PEBP4: variants seen among roughly 807,000 people sequenced by gnomAD.
The protein encoded by PEBP4 is phosphatidylethanolamine-binding protein 4.
Under a neutral mutation model 23.9 loss-of-function variants are expected in PEBP4, and 22 were observed. The ratio of observed to expected loss-of-function variants is 0.92; its 90% CI spans 0.66 to 1.31. The LOEUF (loss-of-function observed/expected upper bound fraction) is 1.31, where lower values mean the gene tolerates loss of function less well. Ranked by LOEUF, PEBP4 falls within the 40% of genes most tolerant of loss-of-function variation. PEBP4 has a pLI of 0.00. For synonymous variants in PEBP4, 112 were observed against 99.3 expected (o/e 1.13, Z -0.76); for missense variants, 324 against 281.7 (o/e 1.15, Z -1.07).
At chr8:22,788,274 A>T (rs1806067503) in intron 4 of PEBP4, among the ~76,000 whole-genome samples, 1 of 151,958 alleles carries the variant, frequency 6.6e-6, no homozygotes, top group South Asian at 2.1e-4. Context: ...CTGGGACAAG[A>T]ACTGCATGTT....
rs147539704 is a variant in PEBP4, at chr8:22,747,342, C to A, written c.358-20122G>T. Among the ~76,000 whole-genome samples, 849 of 152,136 alleles carry A rather than the reference C, an allele frequency of 5.6e-3. 4 individuals carry two copies. Among genetic ancestry groups the A allele is most frequent in the Non-Finnish European group, 9.4e-3 (636 of 67,952 alleles). On this transcript the variant is annotated intron_variant, in intron 4 of 6. Transcript: ENST00000256404. ...CTTCCTCAAGTGCCACTGTGTAGAT[C>A]CAGGGTCTCTGCTGTGCCCAGCCTC...
At chr8:22,931,170 G>T (rs1294732877), upstream of PEBP4, among the ~76,000 whole-genome samples, 1 of 151,994 alleles carries the variant, frequency 6.6e-6, no homozygotes, top group African/African-American at 2.4e-5. Context: ...AGGCCCTCTG[G>T]AATCTCTGAA....
rs193064416 is a variant in PEBP4, at chr8:22,760,091, G to A, written c.358-32871C>T. Among the ~76,000 whole-genome samples the A allele has an allele frequency of 2.6e-3, 392 of 152,214 alleles. 3 individuals are homozygous for A. Among genetic ancestry groups the A allele is most frequent in the African/African-American group, 8.8e-3 (367 of 41,522 alleles). On this transcript the variant is annotated intron_variant, in intron 4 of 6. Coordinates refer to ENST00000256404, the MANE Select transcript of PEBP4 (RefSeq NM_144962.3). The stretch of plus-strand genomic sequence containing the variant: ...TGCATTATTTTCAGGGACAAACATC[G>A]GTTGGGCACTTATTACACCCTAAGC...
chr8:22,930,353 C>T (rs1294933003), upstream of PEBP4, among the ~76,000 whole-genome samples: 7 of 152,144 alleles, frequency 4.6e-5, no homozygotes, highest in Admixed American at 2.0e-4. Flanking sequence ...AATTAGAGCA[C>T]TTTACTGCTT....
At chr8:22,829,884 A>G (rs144396567) in intron 3 of PEBP4, among the ~76,000 whole-genome samples, 7 of 152,022 alleles carry the variant, frequency 4.6e-5, no homozygotes, top group Admixed American at 3.3e-4. Context: ...CCTTAATCCA[A>G]TCTGCCCCCA....
chr8:22,910,124 G>T (rs1808907865), intron 3 of PEBP4, among the ~76,000 whole-genome samples: 1 of 152,250 alleles, frequency 6.6e-6, no homozygotes, highest in Non-Finnish European at 1.5e-5. Flanking sequence ...TCTTGAGAGA[G>T]TCGTTTTATC....
chr8:22,905,741 C>T (rs1808798495), intron 3 of PEBP4, among the ~76,000 whole-genome samples: 1 of 152,222 alleles, frequency 6.6e-6, no homozygotes, highest in Non-Finnish European at 1.5e-5. Flanking sequence ...TCCCACCTCA[C>T]AGGTCTCAGC....
At chr8:22,785,935 G>A (rs763931731) in intron 4 of PEBP4, among the ~76,000 whole-genome samples, 2 of 152,304 alleles carry the variant, frequency 1.3e-5, no homozygotes, top group Admixed American at 6.5e-5. Flanking sequence ...TGTACCCCTG[G>A]ATAGGTGGAT....
chr8:22,718,415 GC>G (rs1292127454), intron 6 of PEBP4, among the ~76,000 whole-genome samples: 3 of 152,354 alleles, frequency 2.0e-5, no homozygotes, highest in African/African-American at 4.8e-5. Context: ...GAATCTGGGG[GC>G]TTATCTGTGT....
At chr8:22,795,163 A>ATTTTTTTTTTTTTTTTTTTTTTTTTTT (rs33911395) in intron 4 of PEBP4, among the ~76,000 whole-genome samples, 1 of 47,346 alleles carries the variant, frequency 2.1e-5, no homozygotes, top group African/African-American at 1.0e-4. Context: ...ATATATATAT[A>ATTTTTTTTTTTTTTTTTTTTTTTTTTT]TTTTTTTTTT....
chr8:22,776,608 A>C (rs2128754638), intron 4 of PEBP4, among the ~76,000 whole-genome samples: 1 of 151,776 alleles, frequency 6.6e-6, no homozygotes, highest in South Asian at 2.1e-4. Context: ...ATTTTTGCTT[A>C]TCTTTTCTTG....
intron 4 of PEBP4, among the ~76,000 whole-genome samples, chr8:22,748,206 G>C (rs1334028282): frequency 1.3e-5 from 2 of 152,182 alleles, no homozygotes; most frequent in African/African-American, 4.8e-5. Flanking sequence ...CCTTCTCCAA[G>C]AGGGGGCTGC....
chr8:22,779,472 T>C (rs1805876012), intron 4 of PEBP4, among the ~76,000 whole-genome samples: 1 of 151,626 alleles, frequency 6.6e-6, no homozygotes, highest in Non-Finnish European at 1.5e-5. Context: ...GCTCTAAGGG[T>C]CTTTAGCAGA....
intron 4 of PEBP4, chr8:22,756,843 C>T (rs576793910): frequency 5.3e-5 from 8 of 152,186 alleles, no homozygotes; most frequent in South Asian, 2.1e-4. Flanking sequence ...CCAGGGAGTA[C>T]CTGACCTCCC....
chr8:22,779,943 T>C (rs553702895), intron 4 of PEBP4, among the ~76,000 whole-genome samples: 8 of 149,848 alleles, frequency 5.3e-5, no homozygotes, highest in Admixed American at 1.3e-4. Flanking sequence ...GGCATCTTGT[T>C]TTTTTAAAAT....
chr8:22,883,274 C>T (rs1340434398), intron 3 of PEBP4, among the ~76,000 whole-genome samples: 1 of 152,108 alleles, frequency 6.6e-6, no homozygotes, highest in Middle Eastern at 3.2e-3. Flanking sequence ...GAGAACAGCC[C>T]CAAGGAGGCA....
intron 3 of PEBP4, among the ~76,000 whole-genome samples, chr8:22,872,924 G>A (rs1410524605): frequency 1.3e-5 from 2 of 152,146 alleles, no homozygotes; most frequent in South Asian, 2.1e-4. Flanking sequence ...TGATCCGCCC[G>A]CCTCGGCCTC....
chr8:22,784,061 C>T (rs1466929627), intron 4 of PEBP4, among the ~76,000 whole-genome samples: 1 of 152,188 alleles, frequency 6.6e-6, no homozygotes, highest in Non-Finnish European at 1.5e-5. Flanking sequence ...CCTCTCTGGG[C>T]CTCAATGTCC....
At chr8:22,870,102 T>G (rs747731474) in intron 3 of PEBP4, among the ~76,000 whole-genome samples, 5 of 152,220 alleles carry the variant, frequency 3.3e-5, no homozygotes, top group Non-Finnish European at 5.9e-5. Flanking sequence ...ACACAAAACC[T>G]GCACCAGCCA....
Sources: gnomAD v4.1 joint callset for allele counts (sites outside exome capture counted in the v4.1 genomes callset) on GRCh38, gnomAD v4.1.1 for gene constraint, MANE v1.5 for transcripts, NCBI Gene and HGNC (gene_info 2026-07-23, HGNC 2026-07-21) for gene names.